GRM1: variants seen among roughly 807,000 people sequenced by gnomAD.
GRM1 encodes metabotropic glutamate receptor 1.
GRM1 carries 33 observed loss-of-function variants against 90.9 expected under a neutral mutation model. That is an observed-to-expected ratio of 0.36 (90% CI 0.28 to 0.49). The LOEUF (loss-of-function observed/expected upper bound fraction) is 0.49. Among genes scored for constraint, GRM1 ranks in the 20% least tolerant of loss-of-function variants. The pLI is 0.99. For missense variants in GRM1, 1,190 were observed against 1,534.3 expected, an observed-to-expected ratio of 0.78 and a Z score of 3.75; for synonymous variants, 700 against 613.2, an observed-to-expected ratio of 1.14 and a Z score of -2.09.
chr6:146,405,698 TTTTG>T (rs890730288), intron 7 of GRM1, among the ~76,000 whole-genome samples: 18 of 143,378 alleles, frequency 1.3e-4, no homozygotes, highest in South Asian at 1.1e-3. Flanking sequence ...TGTTGTGTTT[TTTTG>T]TTTGTTTGTT....
In GRM1 at chr6:146,146,306, G is replaced by A. The variant is rs111879682; in HGVS notation, c.701-13042G>A. 9.9e-3 allele frequency among the ~76,000 whole-genome samples: 1,493 copies of A among 151,048 alleles called. 22 individuals are homozygous for A. Among genetic ancestry groups the A allele is most frequent in the African/African-American group, 0.034 (1,415 of 41,226 alleles). ...ATTTCACCGTGTTAGCCAAGATGGTGTCCATCTCCTGACCTCGTGATCCAC... is the reference window on the plus strand; with the variant it reads ...ATTTCACCGTGTTAGCCAAGATGGTATCCATCTCCTGACCTCGTGATCCAC... On this transcript the variant is annotated intron_variant, in intron 1 of 7. Coordinates refer to ENST00000282753, the MANE Select transcript of GRM1 (RefSeq NM_001278064.2).
intron 2 of GRM1, among the ~76,000 whole-genome samples, chr6:146,229,146 A>G (rs1780358635): frequency 6.6e-6 from 1 of 151,798 alleles, no homozygotes; most frequent in African/African-American, 2.4e-5. Flanking sequence ...TTGTGTTCCT[A>G]TGACACTAAT....
chr6:146,218,230 G>C (rs1779941662), intron 2 of GRM1, among the ~76,000 whole-genome samples: 1 of 152,124 alleles, frequency 6.6e-6, no homozygotes, highest in Non-Finnish European at 1.5e-5. Context: ...TCTGGCCCTG[G>C]TTATTAGAAT....
chr6:146,406,952 C>T (rs1286885921), intron 7 of GRM1, among the ~76,000 whole-genome samples: 1 of 152,152 alleles, frequency 6.6e-6, no homozygotes, highest in Non-Finnish European at 1.5e-5. Flanking sequence ...CACATCTGTT[C>T]TGTGTGATTG....
Position 146,434,340 on chromosome 6 carries a change from C to T in GRM1, c.3129C>T (p.Thr1043=), listed in dbSNP as rs200835963. 1.8e-4 allele frequency: 286 copies of T among 1,612,292 alleles called. 1 individual carries two copies. The highest frequency in any genetic ancestry group is 6.7e-5 in the Admixed American group (4 of 59,954). The change falls in exon 8 of 8, where the codon ACC becomes ACT. Residue 1043 remains threonine (T), a synonymous_variant. Coordinates refer to ENST00000282753, the MANE Select transcript of GRM1 (RefSeq NM_001278064.2). The part of the protein sequence containing the change: ...QLQGVVSNFS[T]AIPDFHAVLA... The stretch of plus-strand genomic sequence containing the variant: ...AGGGAGTGGTCAGCAACTTCAGTAC[C>T]GCGATCCCGGATTTTCACGCGGTGC...
At chr6:146,032,614 A>T (rs1790748075) in intron 1 of GRM1, among the ~76,000 whole-genome samples, 1 of 152,154 alleles carries the variant, frequency 6.6e-6, no homozygotes. Flanking sequence ...AGCAGAGAAG[A>T]CCACATATCA....
intron 2 of GRM1, 92 bp from the exon 3 acceptor site, chr6:146,304,519 T>C: frequency 3.3e-6 from 3 of 919,728 alleles, no homozygotes; most frequent in East Asian, 2.6e-5. Flanking sequence ...TCTGTAGCCT[T>C]TTCTGGATTG....
At chr6:146,332,295 T>G (rs1227941578) in intron 3 of GRM1, among the ~76,000 whole-genome samples, 14 of 152,096 alleles carry the variant, frequency 9.2e-5, no homozygotes, top group Admixed American at 9.2e-4. Flanking sequence ...CTCCATTGAG[T>G]CTTGTTTAGC....
At chr6:146,060,513 T>C (rs149774165) in intron 1 of GRM1, among the ~76,000 whole-genome samples, 1 of 152,300 alleles carries the variant, frequency 6.6e-6, no homozygotes, top group African/African-American at 2.4e-5. Context: ...TGGTTTTCTG[T>C]TCCTACATTA....
At chr6:146,326,437 T>G (rs1784403743) in intron 3 of GRM1, among the ~76,000 whole-genome samples, 1 of 152,058 alleles carries the variant, frequency 6.6e-6, no homozygotes, top group South Asian at 2.1e-4. Flanking sequence ...TGGGAACTTT[T>G]GAGGGGCAGA....
At chr6:146,287,191 A>G (rs1188234565) in intron 2 of GRM1, among the ~76,000 whole-genome samples, 3 of 152,160 alleles carry the variant, frequency 2.0e-5, no homozygotes, top group Admixed American at 6.5e-5. Flanking sequence ...TTCTGTAATA[A>G]GTAGGGTTTA....
chr6:146,264,604 T>C (rs1285468601), intron 2 of GRM1, among the ~76,000 whole-genome samples: 1 of 151,988 alleles, frequency 6.6e-6, no homozygotes, highest in African/African-American at 2.4e-5. Flanking sequence ...TGCATAATGG[T>C]GAGATTTGGA....
At chr6:146,119,383 C>T (rs891761019) in intron 1 of GRM1, among the ~76,000 whole-genome samples, 2 of 152,082 alleles carry the variant, frequency 1.3e-5, no homozygotes, top group Admixed American at 6.6e-5. Flanking sequence ...TTCTCCCATT[C>T]TGTAGGTTGC....
chr6:146,358,744 A>G (rs1220918164), intron 5 of GRM1, among the ~76,000 whole-genome samples: 1 of 152,196 alleles, frequency 6.6e-6, no homozygotes, highest in African/African-American at 2.4e-5. Flanking sequence ...TCAACTGACT[A>G]AAGAAAATGC....
At chr6:146,143,576 T>C (rs1161291908) in intron 1 of GRM1, among the ~76,000 whole-genome samples, 2 of 152,332 alleles carry the variant, frequency 1.3e-5, no homozygotes, top group South Asian at 2.1e-4. Context: ...TGTTTTTCAG[T>C]GACTGCATAC....
chr6:146,197,642 A>T (rs1452952876), intron 2 of GRM1, among the ~76,000 whole-genome samples: 1 of 152,244 alleles, frequency 6.6e-6, no homozygotes, highest in African/African-American at 2.4e-5. Context: ...ACTTTATTAT[A>T]AGAAATTATA....
At chr6:146,387,123 C>A (rs1333513539) in intron 6 of GRM1, 107 bp downstream of exon 6, 2 of 1,069,654 alleles carry the variant, frequency 1.9e-6, no homozygotes, top group African/African-American at 3.1e-5. Context: ...TGTTAATTTA[C>A]AATGCACACT....
At chr6:146,419,426 G>A (rs530297480) in intron 7 of GRM1, among the ~76,000 whole-genome samples, 10 of 152,300 alleles carry the variant, frequency 6.6e-5, no homozygotes, top group South Asian at 2.1e-4. Context: ...AAATTTCAGA[G>A]AGAAGAGAAA....
intron 7 of GRM1, among the ~76,000 whole-genome samples, chr6:146,408,034 A>ACAGTT (rs771824913): frequency 5.3e-5 from 8 of 152,204 alleles, no homozygotes; most frequent in Non-Finnish European, 8.8e-5. Flanking sequence ...TATATTGCTC[A>ACAGTT]CAGTTCTGGA....
Sources: allele counts gnomAD v4.1 joint callset (sites outside exome capture counted in the v4.1 genomes callset), GRCh38; gene constraint gnomAD v4.1.1; transcripts MANE v1.5; gene names NCBI Gene and HGNC (gene_info 2026-07-23, HGNC 2026-07-21).